Variants in MBTPS1 observed in about 807,000 individuals in gnomAD.
The protein encoded by MBTPS1 is membrane-bound transcription factor site-1 protease.
In MBTPS1, 94 loss-of-function variants were observed where a neutral mutation model predicts 127.8. The ratio of observed to expected loss-of-function variants is 0.74; its 90% CI spans 0.62 to 0.87. The LOEUF is 0.87. MBTPS1 is among the 40% of genes least tolerant of loss of function. MBTPS1 has a pLI of 0.00. For synonymous variants in MBTPS1, 632 were observed against 509.4 expected, an observed-to-expected ratio of 1.24 and a Z score of -3.24; for missense variants, 1,636 against 1,353.2, an observed-to-expected ratio of 1.21 and a Z score of -3.28.
At chr16:84,070,831 AC>A in intron 12 of MBTPS1, 55 bp from the exon 13 acceptor site, 4 of 1,416,368 alleles carry the variant, frequency 2.8e-6, no homozygotes, top group Non-Finnish European at 3.9e-6. Context: ...AGGAGAAAAC[AC>A]GTGGAAACCA....
intron 16 of MBTPS1, 127 bp from the exon 17 acceptor site, chr16:84,066,740 C>A (rs1409578275): frequency 4.3e-5 from 38 of 892,186 alleles, no homozygotes; most frequent in Non-Finnish European, 6.3e-5. Context: ...AAGGCTTCAA[C>A]TGAAACCAAC....
intron 6 of MBTPS1, among the ~76,000 whole-genome samples, chr16:84,092,373 G>A (rs2086121859): frequency 6.6e-6 from 1 of 152,162 alleles, no homozygotes; most frequent in African/African-American, 2.4e-5. Context: ...ACCTTTAGCT[G>A]TTGCTTTTTT....
chr16:84,098,448 T>C (rs943808056), intron 3 of MBTPS1, among the ~76,000 whole-genome samples: 1 of 152,064 alleles, frequency 6.6e-6, no homozygotes, highest in South Asian at 2.1e-4. Context: ...CTGTCTCTAC[T>C]AAAAATACAA....
chr16:84,065,455 T>C (rs1208984409), intron 18 of MBTPS1, among the ~76,000 whole-genome samples: 2 of 152,222 alleles, frequency 1.3e-5, no homozygotes, highest in African/African-American at 2.4e-5. Flanking sequence ...TGGGATTTCT[T>C]ATTGCGGTGA....
chr16:84,096,084 A>G (rs2086176057), intron 3 of MBTPS1, among the ~76,000 whole-genome samples: 1 of 152,172 alleles, frequency 6.6e-6, no homozygotes, highest in Admixed American at 6.5e-5. Flanking sequence ...AATAATTTTA[A>G]AAAGCTAATT....
chr16:84,115,857 G>A (rs1021129059), intron 1 of MBTPS1, among the ~76,000 whole-genome samples: 1 of 151,982 alleles, frequency 6.6e-6, no homozygotes, highest in Non-Finnish European at 1.5e-5. Flanking sequence ...CTTAAAACAG[G>A]TGGATTTTAT....
At chr16:84,112,308 T>G (rs954959783) in intron 1 of MBTPS1, among the ~76,000 whole-genome samples, 1 of 152,208 alleles carries the variant, frequency 6.6e-6, no homozygotes, top group Non-Finnish European at 1.5e-5. Context: ...CTGCTTTAAT[T>G]TATTTGTTTA....
At chr16:84,091,555 C>G (rs1443615661) in intron 7 of MBTPS1, among the ~76,000 whole-genome samples, 177 bp downstream of exon 7, 1 of 151,300 alleles carries the variant, frequency 6.6e-6, no homozygotes, top group African/African-American at 2.4e-5. Flanking sequence ...TCTGAGGCCT[C>G]TAACCCACTC....
At chr16:84,101,503 AAG>A in intron 2 of MBTPS1, 116 bp downstream of exon 2, 1 of 988,906 alleles carries the variant, frequency 1.0e-6, no homozygotes, top group African/African-American at 1.7e-5. Flanking sequence ...AAAAAAAAAA[AAG>A]AAAGAAATTT....
intron 4 of MBTPS1, among the ~76,000 whole-genome samples, chr16:84,095,301 A>AC: frequency 6.6e-6 from 1 of 152,344 alleles, no homozygotes; most frequent in South Asian, 2.1e-4. Context: ...AATAGGAGAG[A>AC]AGTGCTCCAC....
intron 9 of MBTPS1, 65 bp downstream of exon 9, chr16:84,087,293 A>C: frequency 7.9e-7 from 1 of 1,266,650 alleles, no homozygotes; most frequent in South Asian, 1.2e-5. Flanking sequence ...CTCGTCAACA[A>C]CCGGTGCCAC....
At chr16:84,069,450 AGAG>A (rs1195474889) in intron 14 of MBTPS1, among the ~76,000 whole-genome samples, 1 of 152,212 alleles carries the variant, frequency 6.6e-6, no homozygotes, top group Non-Finnish European at 1.5e-5. Flanking sequence ...GGTTGCCAGA[AGAG>A]GAGTGGAATT....
intron 4 of MBTPS1, 22 bp downstream of exon 4, chr16:84,095,580 T>C (rs778587155): frequency 1.9e-6 from 3 of 1,610,614 alleles, no homozygotes; most frequent in Admixed American, 1.7e-5. Context: ...CATAAGCACC[T>C]TCCCTGGGTA....
chr16:84,105,482 G>A (rs985528506), intron 1 of MBTPS1, among the ~76,000 whole-genome samples: 2 of 152,064 alleles, frequency 1.3e-5, no homozygotes, highest in African/African-American at 4.8e-5. Context: ...CTGCTGGGGA[G>A]GGGGCACTGC....
Position 84,056,142 on chromosome 16 carries a change from G to A in MBTPS1, c.2832-7C>T, listed in dbSNP as rs757806347. On this transcript the variant is annotated splice_region_variant and splice_polypyrimidine_tract_variant and intron_variant, in intron 21 of 22. Coordinates refer to ENST00000343411, the MANE Select transcript of MBTPS1 (RefSeq NM_003791.4). ...CTGATGTTTCCAAAGGTTACTTCAG[G>A]AAAATGGATTAAAACAAAACAAAAA... The A allele has an allele frequency of 6.2e-7, 1 of 1,612,632 alleles. No individual in the cohort carries two copies.
At chr16:84,099,526 C>T (rs957166449) in intron 2 of MBTPS1, among the ~76,000 whole-genome samples, 3 of 152,152 alleles carry the variant, frequency 2.0e-5, no homozygotes, top group African/African-American at 7.2e-5. Flanking sequence ...TGGCTCACGC[C>T]TGTAATCCCA....
intron 19 of MBTPS1, among the ~76,000 whole-genome samples, chr16:84,062,862 G>C (rs2151142743): frequency 6.6e-6 from 1 of 152,340 alleles, no homozygotes; most frequent in Non-Finnish European, 1.5e-5. Context: ...CCGAATTCCA[G>C]GTCTGGAAGG....
At chr16:84,088,256 C>G (rs2086058325) in intron 8 of MBTPS1, among the ~76,000 whole-genome samples, 1 of 152,046 alleles carries the variant, frequency 6.6e-6, no homozygotes, top group Non-Finnish European at 1.5e-5. Flanking sequence ...ACAACTGATT[C>G]CAAGTGGCTT....
intron 1 of MBTPS1, among the ~76,000 whole-genome samples, chr16:84,112,993 A>G (rs1303521057): frequency 6.6e-6 from 1 of 151,770 alleles, no homozygotes; most frequent in African/African-American, 2.4e-5. Context: ...AAAAAAAAAA[A>G]AGAATAAATC....
Sources: gnomAD v4.1 joint callset for allele counts (sites outside exome capture counted in the v4.1 genomes callset) on GRCh38, gnomAD v4.1.1 for gene constraint, MANE v1.5 for transcripts, NCBI Gene and HGNC (gene_info 2026-07-23, HGNC 2026-07-21) for gene names.